MERTK: variants seen among roughly 807,000 people sequenced by gnomAD.
MERTK encodes the protein tyrosine-protein kinase Mer.
A neutral mutation model predicts 99.3 loss-of-function variants in MERTK; 69 were observed. That is an observed-to-expected ratio of 0.70 (90% CI 0.57 to 0.85). The LOEUF is 0.85. Among genes scored for constraint, MERTK ranks in the 40% least tolerant of loss-of-function variants. The pLI is 0.00. For missense variants in MERTK, 1,125 were observed against 1,249.4 expected, an observed-to-expected ratio of 0.90 and a Z score of 1.50; for synonymous variants, 426 against 467.6, an observed-to-expected ratio of 0.91 and a Z score of 1.15.
intron 1 of MERTK, among the ~76,000 whole-genome samples, chr2:111,909,272 A>G (rs1406908782): frequency 1.3e-5 from 2 of 152,216 alleles, no homozygotes; most frequent in Admixed American, 1.3e-4. Context: ...GTTAAATATT[A>G]AAAGCTAATA....
At chr2:111,937,068 A>G (rs1428716685) in intron 2 of MERTK, among the ~76,000 whole-genome samples, 1 of 152,094 alleles carries the variant, frequency 6.6e-6, no homozygotes, top group Non-Finnish European at 1.5e-5. Flanking sequence ...CTAGGGATTC[A>G]CACTGCTTTT....
chr2:112,023,387 C>G (rs907685412), intron 18 of MERTK, among the ~76,000 whole-genome samples: 2 of 152,010 alleles, frequency 1.3e-5, no homozygotes, highest in African/African-American at 4.8e-5. Flanking sequence ...GCACTCCAGC[C>G]TGGGCGGCAG....
At chr2:111,947,286 C>CAAA in intron 3 of MERTK, 108 bp from the exon 4 acceptor site, 1 of 909,920 alleles carries the variant, frequency 1.1e-6, no homozygotes, top group Non-Finnish European at 1.7e-6. Flanking sequence ...CCGCCCCCCA[C>CAAA]AAAAAAAGAA....
rs558106707 is a variant in MERTK, at chr2:111,920,438, G to A, written c.62-8682G>A. On this transcript the variant is annotated intron_variant, in intron 1 of 18. Transcript: ENST00000295408. The stretch of plus-strand genomic sequence containing the variant: ...GCTACACTTAGGGCAAATGGGTGGC[G>A]TGATCGCCTCTTCCTCCTTTAACAT... Among the ~76,000 whole-genome samples the A allele has an allele frequency of 9.9e-5, 15 of 152,256 alleles. No homozygotes were observed. In the South Asian group the frequency reaches 1.5e-3, roughly 15 times the overall value.
Position 111,947,488 on chromosome 2 carries a change from C to T in MERTK, c.678C>T (p.Pro226=), listed in dbSNP as rs546984926. 1.9e-5 allele frequency: 30 copies of T among 1,614,142 alleles called. No homozygotes were observed. Among genetic ancestry groups the T allele is most frequent in the African/African-American group, 6.7e-5 (5 of 75,032 alleles). Residue 226 remains proline (P), a synonymous_variant, in exon 4 of 19, where the codon CCC becomes CCT. Transcript: ENST00000295408. ...LTCQAVGPPE[P]VNIFWVQNSS... ...GTCAGGCTGTGGGCCCGCCTGAGCC[C>T]GTCAACATTTTCTGGGTTCAAAACA...
Position 112,028,510 on chromosome 2 carries a change from G to A in MERTK, c.2646G>A (p.Glu882=). The change falls in exon 19 of 19, where the codon GAG becomes GAA. Residue 882 remains glutamate (E), a synonymous_variant. Transcript: ENST00000295408. The part of the protein sequence containing the change: ...YVNTQLLESS[E]GLAQGSTLAP... ...ATACACAGTTGCTGGAGAGCTCTGA[G>A]GGCCTGGCCCAGGGCTCCACCCTTG... is the stretch of plus-strand genomic sequence containing the variant. 1 of 1,614,198 alleles carries A rather than the reference G, an allele frequency of 6.2e-7. No individual in the cohort carries two copies. The highest frequency in any genetic ancestry group is 8.5e-7 in the Non-Finnish European group (1 of 1,180,040).
chr2:111,922,315 A>T (rs1480968958), intron 1 of MERTK, among the ~76,000 whole-genome samples: 2 of 152,100 alleles, frequency 1.3e-5, no homozygotes, highest in South Asian at 4.1e-4. Flanking sequence ...GGCTGTGATC[A>T]CCAAGCTTCA....
chr2:111,956,156 T>C (rs988358325), intron 4 of MERTK, among the ~76,000 whole-genome samples: 2 of 152,158 alleles, frequency 1.3e-5, no homozygotes, highest in African/African-American at 4.8e-5. Flanking sequence ...AGCTTTGGCA[T>C]GTAGACTGAT....
At chr2:111,941,218 C>T (rs1684860846) in intron 2 of MERTK, among the ~76,000 whole-genome samples, 1 of 152,112 alleles carries the variant, frequency 6.6e-6, no homozygotes, top group African/African-American at 2.4e-5. Context: ...ACTTTGAAGT[C>T]ACTGATATAT....
chr2:111,963,788 ATC>A (rs1185632595), intron 4 of MERTK, among the ~76,000 whole-genome samples: 2 of 151,854 alleles, frequency 1.3e-5, no homozygotes, highest in Non-Finnish European at 2.9e-5. Context: ...TAACAATCTG[ATC>A]TCTCTTTCTT....
intron 4 of MERTK, among the ~76,000 whole-genome samples, chr2:111,960,605 A>G (rs551053966): frequency 2.0e-5 from 3 of 152,240 alleles, no homozygotes; most frequent in Non-Finnish European, 2.9e-5. Context: ...TTGCATCCTA[A>G]TAATGAGTAT....
chr2:111,944,036 T>A (rs574558155), intron 2 of MERTK, among the ~76,000 whole-genome samples: 6 of 152,268 alleles, frequency 3.9e-5, no homozygotes, highest in Admixed American at 3.9e-4. Flanking sequence ...TGGTGGCTCA[T>A]GCCCATAATC....
intron 6 of MERTK, among the ~76,000 whole-genome samples, chr2:111,973,632 T>A (rs1164206807): frequency 2.6e-5 from 4 of 152,156 alleles, no homozygotes; most frequent in Non-Finnish European, 5.9e-5. Context: ...GGCCTGAGGA[T>A]TTTTCCCAAA....
At chr2:111,913,329 T>C (rs1199740914) in intron 1 of MERTK, among the ~76,000 whole-genome samples, 1 of 152,216 alleles carries the variant, frequency 6.6e-6, no homozygotes, top group Admixed American at 6.5e-5. Flanking sequence ...GTTTTGTTGT[T>C]TTTAGCAGAA....
chr2:111,942,824 G>C (rs1473193045), intron 2 of MERTK, among the ~76,000 whole-genome samples: 2 of 152,220 alleles, frequency 1.3e-5, no homozygotes, highest in East Asian at 3.8e-4. Flanking sequence ...GAACAGTAAG[G>C]AAGTAATGTT....
At chr2:111,905,513 A>G (rs554273725) in intron 1 of MERTK, among the ~76,000 whole-genome samples, 1 of 123,284 alleles carries the variant, frequency 8.1e-6, no homozygotes, top group Non-Finnish European at 1.6e-5. Flanking sequence ...ATCTCAGCTT[A>G]CTGCAGCCTC....
At chr2:111,914,312 C>T (rs1684309357) in intron 1 of MERTK, among the ~76,000 whole-genome samples, 1 of 152,078 alleles carries the variant, frequency 6.6e-6, no homozygotes, top group African/African-American at 2.4e-5. Context: ...GAGTCTTGCT[C>T]TGTGGCCCAG....
chr2:111,994,306 A>G lies in MERTK; in HGVS notation c.1352A>G (p.Gln451Arg). Residue 451 changes from glutamine to arginine, a missense_variant, in exon 9 of 19, where the codon CAA becomes CGA. By Grantham distance (43) the Gln-to-Arg change is conservative. Coordinates refer to ENST00000295408, the MANE Select transcript of MERTK (RefSeq NM_006343.3). ...GGCAGCCGAGCTCGGATCTCTGTTC[A>G]AGTCCACAATGCTACGTGCACAGTG... ...QNGSRARISV[Q>R]VHNATCTVRI... is the part of the protein sequence containing the mutation. 6.2e-7 allele frequency: 1 copy of G among 1,614,172 alleles called. No homozygotes were observed. Among genetic ancestry groups the G allele is most frequent in the South Asian group, 1.1e-5 (1 of 91,078 alleles).
At chr2:111,959,486 T>C (rs1455235499) in intron 4 of MERTK, among the ~76,000 whole-genome samples, 2 of 152,078 alleles carry the variant, frequency 1.3e-5, no homozygotes, top group Non-Finnish European at 2.9e-5. Context: ...TTTGGTTTTT[T>C]GTTTGTTTGT....
Sources: allele counts gnomAD v4.1 joint callset (sites outside exome capture counted in the v4.1 genomes callset), GRCh38; gene constraint gnomAD v4.1.1; transcripts MANE v1.5; gene names NCBI Gene and HGNC (gene_info 2026-07-23, HGNC 2026-07-21).